The following ERBB4 variants were observed in gnomAD, a reference collection of about 807,000 sequenced individuals.
ERBB4 encodes receptor tyrosine-protein kinase erbB-4.
Under a neutral mutation model 158.0 loss-of-function variants are expected in ERBB4, and 42 were observed. The observed-to-expected ratio is 0.27, with a 90% CI of 0.21 to 0.34. The LOEUF (loss-of-function observed/expected upper bound fraction) is 0.34. Ranked by LOEUF, ERBB4 falls within the 10% of genes least tolerant of loss-of-function variation. ERBB4 has a pLI of 1.00. For missense variants in ERBB4, 1,333 were observed against 1,624.1 expected (o/e 0.82, Z 3.08); for synonymous variants, 583 against 558.7 (o/e 1.04, Z -0.61).
intron 1 of ERBB4, among the ~76,000 whole-genome samples, chr2:212,353,597 C>T (rs1052865122): frequency 1.3e-5 from 2 of 151,732 alleles, no homozygotes; most frequent in Non-Finnish European, 2.9e-5. Context: ...CTTTAAAAAT[C>T]TATGTGATGT....
intron 1 of ERBB4, among the ~76,000 whole-genome samples, chr2:212,170,368 C>T (rs1315947018): frequency 6.6e-6 from 1 of 152,078 alleles, no homozygotes; most frequent in Non-Finnish European, 1.5e-5. Context: ...AAAAAGGAAG[C>T]AGAGTATAAA....
In ERBB4 at chr2:211,577,847, T is replaced by A. The variant is rs139055653; in HGVS notation, c.2302-15759A>T. On this transcript the variant is annotated intron_variant, in intron 19 of 27. Transcript: ENST00000342788. ...AGAGACATTTATGACAAACTCACAG[T>A]CAGTATCATACCAAATGGGCAAAAT... 4.8e-3 allele frequency among the ~76,000 whole-genome samples: 735 copies of A among 152,212 alleles called. 7 individuals carry two copies. Among genetic ancestry groups the A allele is most frequent in the African/African-American group, 0.017 (710 of 41,544 alleles).
At chr2:211,660,091 A>G (rs1399727644) in intron 15 of ERBB4, among the ~76,000 whole-genome samples, 1 of 152,252 alleles carries the variant, frequency 6.6e-6, no homozygotes, top group Non-Finnish European at 1.5e-5. Context: ...AGAGCAAAAC[A>G]TGAGGCAATA....
intron 3 of ERBB4, among the ~76,000 whole-genome samples, chr2:211,915,500 T>G (rs890509760): frequency 6.6e-6 from 1 of 151,430 alleles, no homozygotes. Context: ...CTTTCTTTCA[T>G]GAAATCCACA....
intron 1 of ERBB4, among the ~76,000 whole-genome samples, chr2:212,464,415 A>G (rs1456564076): frequency 6.6e-6 from 1 of 151,964 alleles, no homozygotes; most frequent in Non-Finnish European, 1.5e-5. Context: ...TTTGTTGTTC[A>G]TTATTTTTGT....
At chr2:211,960,199 T>C (rs1331964258) in intron 2 of ERBB4, among the ~76,000 whole-genome samples, 1 of 152,048 alleles carries the variant, frequency 6.6e-6, no homozygotes, top group African/African-American at 2.4e-5. Flanking sequence ...ATAGATAAGA[T>C]GAGCCTGAAA....
intron 3 of ERBB4, among the ~76,000 whole-genome samples, chr2:211,811,275 C>G (rs545104993): frequency 6.6e-6 from 1 of 152,190 alleles, no homozygotes; most frequent in Admixed American, 6.5e-5. Flanking sequence ...ACTTATGAAG[C>G]TTAGTTTGAC....
chr2:211,439,948 T>G (rs2063937272), intron 20 of ERBB4, among the ~76,000 whole-genome samples: 1 of 152,174 alleles, frequency 6.6e-6, no homozygotes, highest in Admixed American at 6.6e-5. Context: ...TCCTTACATT[T>G]TCTTCAGAAG....
Position 211,881,372 on chromosome 2 carries a change from G to A in ERBB4, c.421+66058C>T, listed in dbSNP as rs150899962. 1.7e-3 allele frequency among the ~76,000 whole-genome samples: 262 copies of A among 152,228 alleles called. 2 individuals carry two copies. The highest frequency in any genetic ancestry group is 6.1e-3 in the African/African-American group (252 of 41,528). On this transcript the variant is annotated intron_variant, in intron 3 of 27. Coordinates refer to ENST00000342788, the MANE Select transcript of ERBB4 (RefSeq NM_005235.3). ...GAAATTATTTTTTTGCTAACAAAGA[G>A]CAGCCTGAAATACTGAGCCGCAAAC...
At position 212,276,633 on chromosome 2, in the gene ERBB4, C is replaced by G. The variant is rs570181299; in HGVS notation, c.83-151730G>C. On this transcript the variant is annotated intron_variant, in intron 1 of 27. Coordinates refer to ENST00000342788, the MANE Select transcript of ERBB4 (RefSeq NM_005235.3). ...TCTTAAAAGTAAAGAAACAATTTAA[C>G]TATTCATACTCATTCCTGAGATCAT... is the stretch of plus-strand genomic sequence containing the variant. Among the ~76,000 whole-genome samples the G allele has an allele frequency of 3.3e-5, 5 of 151,908 alleles. No homozygotes were observed. The South Asian group carries it at 1.0e-3, about 32-fold the overall frequency.
chr2:212,217,841 G>A (rs956619348), intron 1 of ERBB4, among the ~76,000 whole-genome samples: 2 of 151,084 alleles, frequency 1.3e-5, no homozygotes, highest in South Asian at 2.1e-4. Flanking sequence ...TGTGATGACC[G>A]AACAAGATAA....
chr2:211,970,922 T>A (rs1433350617), intron 2 of ERBB4, among the ~76,000 whole-genome samples: 3 of 152,050 alleles, frequency 2.0e-5, no homozygotes. Flanking sequence ...TGTCATCATG[T>A]TTAGCTGGTT....
chr2:212,494,393 G>A (rs1320208407), intron 1 of ERBB4, among the ~76,000 whole-genome samples: 1 of 151,976 alleles, frequency 6.6e-6, no homozygotes. Context: ...TATGTTTCAA[G>A]ATAATAAAAT....
chr2:212,532,417 G>T (rs918897539), intron 1 of ERBB4, among the ~76,000 whole-genome samples: 1 of 152,100 alleles, frequency 6.6e-6, no homozygotes, highest in Non-Finnish European at 1.5e-5. Context: ...TAGAAACTAG[G>T]GCTATGCCTA....
At chr2:211,562,225 T>C in intron 19 of ERBB4, 137 bp from the exon 20 acceptor site, 2 of 727,072 alleles carry the variant, frequency 2.8e-6, no homozygotes, top group Non-Finnish European at 4.7e-6. Context: ...TGAAAAGACA[T>C]AATTTCAGTT....
In ERBB4 at chr2:212,310,692, G is replaced by C. The variant is rs149876003; in HGVS notation, c.83-185789C>G. On this transcript the variant is annotated intron_variant, in intron 1 of 27. Transcript: ENST00000342788. ...TATAGTCCAAACTAAACTAAAAATT[G>C]GGAGAAAAATTAACTGAAAAATATT... Among the ~76,000 whole-genome samples, 167 of 149,456 alleles carry C rather than the reference G, an allele frequency of 1.1e-3. 1 individual carries two copies. Among genetic ancestry groups the C allele is most frequent in the African/African-American group, 3.7e-3 (150 of 40,964 alleles).
rs3040350 is a variant in ERBB4 at position 212,349,287 on chromosome 2, TCACACACACACACA to T, written c.82+189148_82+189161del. 9.2e-3 allele frequency among the ~76,000 whole-genome samples: 1,354 copies of T among 146,468 alleles called. 19 individuals are homozygous for T. The highest frequency in any genetic ancestry group is 0.029 in the African/African-American group (1,146 of 39,742). Reference sequence around the variant, plus strand: ...TAAAACTAAGAGTTCAACTTCTTAATCACACACACACACACACACACACACACACACACACCCTT... The same window carrying T: ...TAAAACTAAGAGTTCAACTTCTTAATCACACACACACACACACACACCCTT... On this transcript the variant is annotated intron_variant, in intron 1 of 27. Transcript: ENST00000342788.
Position 212,124,848 on chromosome 2 carries a change from G to A in ERBB4, c.138C>T (p.Tyr46=), listed in dbSNP as rs1238805932. The A allele has an allele frequency of 1.2e-6, 2 of 1,614,162 alleles. No individual in the cohort carries two copies. Among genetic ancestry groups the A allele is most frequent in the South Asian group, 2.2e-5 (2 of 91,078 alleles). Residue 46 remains tyrosine, a synonymous_variant, in exon 2 of 28, where the codon TAC becomes TAT. Coordinates refer to ENST00000342788, the MANE Select transcript of ERBB4 (RefSeq NM_005235.3). ...TTTCATAGTACTTGCGCAAGGCTCG[G>A]TACTGCTGTTCCAGGTCAGAGAGAG... ...LSSLSDLEQQ[Y]RALRKYYENC...
intron 2 of ERBB4, among the ~76,000 whole-genome samples, chr2:212,009,767 A>C (rs1355781455): frequency 6.6e-6 from 1 of 152,128 alleles, no homozygotes; most frequent in Non-Finnish European, 1.5e-5. Context: ...CAATGGCTGA[A>C]ATTTGGTTTC....
Sources: gnomAD v4.1 joint callset for allele counts (sites outside exome capture counted in the v4.1 genomes callset) on GRCh38, gnomAD v4.1.1 for gene constraint, MANE v1.5 for transcripts, NCBI Gene and HGNC (gene_info 2026-07-23, HGNC 2026-07-21) for gene names.